Variants in SHISAL2A observed in about 807,000 individuals in gnomAD.
SHISAL2A encodes protein shisa-like-2A.
A neutral mutation model predicts 11.5 loss-of-function variants in SHISAL2A; 18 were observed. The ratio of observed to expected loss-of-function variants is 1.57; its 90% CI spans 1.08 to 2.33. The LOEUF (loss-of-function observed/expected upper bound fraction) is 2.33, where lower values mean the gene tolerates loss of function less well. SHISAL2A is among the 30% of genes most tolerant of loss of function. The pLI, the probability that SHISAL2A is intolerant of heterozygous loss-of-function variation, is 0.00. For synonymous variants in SHISAL2A, 94 were observed against 99.6 expected, an observed-to-expected ratio of 0.94 and a Z score of 0.34; for missense variants, 261 against 250.9, an observed-to-expected ratio of 1.04 and a Z score of -0.27.
intron 1 of SHISAL2A, among the ~76,000 whole-genome samples, chr1:52,642,261 G>C (rs146882556): frequency 7.2e-5 from 11 of 152,246 alleles, no homozygotes; most frequent in African/African-American, 2.4e-4. Flanking sequence ...GGAAAGTAGG[G>C]AGGGAAGGAG....
chr1:52,646,308 A>C (rs913516040), intron 2 of SHISAL2A, among the ~76,000 whole-genome samples: 2 of 152,206 alleles, frequency 1.3e-5, no homozygotes, highest in African/African-American at 4.8e-5. Context: ...AAAACCTAGA[A>C]TAGAAAGAGT....
chr1:52,662,999 A>C (rs1260544023), intron 4 of SHISAL2A, among the ~76,000 whole-genome samples: 1 of 152,198 alleles, frequency 6.6e-6, no homozygotes, highest in East Asian at 1.9e-4. Context: ...TCCGGGAAGT[A>C]GGGAGCTTCA....
At chr1:52,650,172 G>A (rs939411364) in intron 2 of SHISAL2A, among the ~76,000 whole-genome samples, 2 of 152,168 alleles carry the variant, frequency 1.3e-5, no homozygotes, top group African/African-American at 2.4e-5. Flanking sequence ...AGGTAACGCC[G>A]AGGAACCAAA....
At chr1:52,664,825 T>C (rs982297408) in intron 4 of SHISAL2A, among the ~76,000 whole-genome samples, 6 of 151,060 alleles carry the variant, frequency 4.0e-5, no homozygotes, top group Non-Finnish European at 8.9e-5. Flanking sequence ...GATCTTGCTC[T>C]GTGCCCAGTC....
chr1:52,657,159 C>T (rs1047345746), downstream of SHISAL2A: 3 of 1,363,468 alleles, frequency 2.2e-6, no homozygotes, highest in East Asian at 2.3e-5. Context: ...CAAAGATACC[C>T]AGCCCTGCTG....
chr1:52,667,352 TG>T, intron 4 of SHISAL2A: 1 of 970,086 alleles, frequency 1.0e-6, no homozygotes, highest in Non-Finnish European at 1.2e-6. Flanking sequence ...TGCTCCGCCA[TG>T]GGGAAGTCTT....
chr1:52,640,751 C>T (rs1425893826), intron 1 of SHISAL2A, among the ~76,000 whole-genome samples: 2 of 152,168 alleles, frequency 1.3e-5, no homozygotes, highest in Non-Finnish European at 2.9e-5. Context: ...GAGTTCCTGA[C>T]GCAGAGCTCC....
At chr1:52,654,246 TAGATAGATAGATAGAC>T (rs1357628638) in intron 2 of SHISAL2A, among the ~76,000 whole-genome samples, 2 of 151,142 alleles carry the variant, frequency 1.3e-5, no homozygotes, top group African/African-American at 4.9e-5. Flanking sequence ...GATAGATAGA[TAGATAGATAGATAGAC>T]AGATAGATAG....
At chr1:52,657,837 ACCT>A (rs569185908), downstream of SHISAL2A, among the ~76,000 whole-genome samples, 2,300 of 152,220 alleles carry the variant, frequency 0.015, 35 homozygotes, top group Non-Finnish European at 0.019. Flanking sequence ...CCTGGGCAAG[ACCT>A]CATCACAAAA....
downstream of SHISAL2A, among the ~76,000 whole-genome samples, chr1:52,660,605 C>T (rs967842271): frequency 6.6e-6 from 1 of 152,188 alleles, no homozygotes; most frequent in African/African-American, 2.4e-5. Flanking sequence ...TGAGAACAAA[C>T]ACTCAGAGGG....
At chr1:52,655,099 T>A (rs903829444) in intron 2 of SHISAL2A, among the ~76,000 whole-genome samples, 1 of 151,972 alleles carries the variant, frequency 6.6e-6, no homozygotes, top group Non-Finnish European at 1.5e-5. Flanking sequence ...GGCAGGAGAA[T>A]CACTTGAACC....
At position 52,654,266 on chromosome 1, in the gene SHISAL2A, T is replaced by TAGAC. The variant is rs879930412; in HGVS notation, c.323-2521_323-2520insCAGA. ...ATAGATAGATAGATAGATAGACAGA[T>TAGAC]AGATAGATAGATAGATAAGCTAATT... On this transcript the variant is annotated intron_variant, in intron 2 of 2. Transcript: ENST00000517870. Among the ~76,000 whole-genome samples, 659 of 101,266 alleles carry TAGAC rather than the reference T, an allele frequency of 6.5e-3. 1 individual carries two copies. The highest frequency in any genetic ancestry group is 0.014 in the African/African-American group (447 of 31,976). 66.4% of individuals were successfully genotyped at this position (101,266 alleles called of 152,430 possible).
At chr1:52,660,190 A>AT (rs1691876070), downstream of SHISAL2A, among the ~76,000 whole-genome samples, 1 of 152,114 alleles carries the variant, frequency 6.6e-6, no homozygotes, top group African/African-American at 2.4e-5. Flanking sequence ...AGCCAGAGAG[A>AT]TGTGGGGGAG....
At chr1:52,643,612 T>C (rs1272722074) in intron 2 of SHISAL2A, among the ~76,000 whole-genome samples, 1 of 152,188 alleles carries the variant, frequency 6.6e-6, no homozygotes, top group Non-Finnish European at 1.5e-5. Flanking sequence ...CCCAGCACTT[T>C]GGGAGGCCGA....
In SHISAL2A at chr1:52,633,327, CG is replaced by C. The variant is rs1253159132; in HGVS notation, c.-163del. 4.8e-6 allele frequency: 3 copies of C among 621,706 alleles called. No individual in the cohort carries two copies. The highest frequency in any genetic ancestry group is 2.0e-5 in the African/African-American group (1 of 50,972). The allele number at this position is 621,706 out of a possible 1,614,324, so 38.5% of individuals were successfully genotyped here. On this transcript the variant is annotated 5_prime_UTR_variant, in exon 1 of 3. Coordinates refer to ENST00000517870, the MANE Select transcript of SHISAL2A (RefSeq NM_001042693.3). This position sits in a 1 kb window ranked among gnomAD's most constrained non-coding sequence, Gnocchi z 6.4. Reference sequence around the variant, plus strand: ...GGGCACCTGGCCGCCGCTCGGTCCTCGGGGCCCCGCGCTGCTGTCTCTGTCT... The same window carrying C: ...GGGCACCTGGCCGCCGCTCGGTCCTCGGGCCCCGCGCTGCTGTCTCTGTCT...
intron 2 of SHISAL2A, among the ~76,000 whole-genome samples, chr1:52,645,540 C>G (rs1362820433): frequency 6.6e-6 from 1 of 151,268 alleles, no homozygotes; most frequent in African/African-American, 2.4e-5. Context: ...TCCTGAATAG[C>G]AGGACTACAG....
At chr1:52,654,589 A>T (rs1423286967) in intron 2 of SHISAL2A, among the ~76,000 whole-genome samples, 1 of 152,200 alleles carries the variant, frequency 6.6e-6, no homozygotes, top group Non-Finnish European at 1.5e-5. Flanking sequence ...AAACAACTAA[A>T]CTTCCATAAG....
rs1273311037 is a variant in SHISAL2A, at chr1:52,633,258, C to T, written c.-236C>T. The T allele has an allele frequency of 8.7e-6, 3 of 343,770 alleles. No homozygotes were observed. The highest frequency in any genetic ancestry group is 2.1e-5 in the African/African-American group (1 of 46,540). The allele number at this position is 343,770 out of a possible 1,614,324, so 21.3% of individuals were successfully genotyped here. A position where few individuals can be genotyped will look rare whatever the true frequency, so the allele number is the denominator to read the frequency against. On this transcript the variant is annotated 5_prime_UTR_variant, in exon 1 of 3. Transcript: ENST00000517870. This position sits in a 1 kb window ranked among gnomAD's most constrained non-coding sequence, Gnocchi z 6.4. ...CAGCAGCCGTCACTCCCGCCGCCGG[C>T]CCCCGCCGCCCGCCCCGCCTGCCCC...
At chr1:52,654,262 CAGAT>C (rs796575635) in intron 2 of SHISAL2A, among the ~76,000 whole-genome samples, 13 of 25,888 alleles carry the variant, frequency 5.0e-4, no homozygotes, top group South Asian at 1.9e-3. Context: ...GATAGATAGA[CAGAT>C]AGATAGATAG....
Sources: gnomAD v4.1 joint callset for allele counts (sites outside exome capture counted in the v4.1 genomes callset) on GRCh38, gnomAD v4.1.1 for gene constraint, Gnocchi (gnomAD v3.1) non-coding constraint, MANE v1.5 for transcripts, NCBI Gene and HGNC (gene_info 2026-07-23, HGNC 2026-07-21) for gene names.